UTRN: variants seen among roughly 807,000 people sequenced by gnomAD.
UTRN encodes the protein utrophin, also known as dystrophin-related protein 1.
In UTRN, 283 loss-of-function variants were observed where a neutral mutation model predicts 463.9. The observed-to-expected ratio is 0.61, with a 90% CI of 0.55 to 0.67. The LOEUF (loss-of-function observed/expected upper bound fraction) is 0.67, where lower values mean the gene tolerates loss of function less well. Ranked by LOEUF, UTRN falls within the 30% of genes least tolerant of loss-of-function variation. UTRN has a pLI of 0.00. For missense variants in UTRN, 3,922 were observed against 4,084.3 expected, an observed-to-expected ratio of 0.96 and a Z score of 1.08; for synonymous variants, 1,442 against 1,431.5, an observed-to-expected ratio of 1.01 and a Z score of -0.17.
intron 51 of UTRN, among the ~76,000 whole-genome samples, chr6:144,596,270 A>T (rs7773603): frequency 0.16 from 23,686 of 152,182 alleles, 2,159 homozygotes; most frequent in South Asian, 0.31. Flanking sequence ...GGTACGGGGC[A>T]GCTTCTGGCC....
chr6:144,647,435 G>GC (rs1398543405), intron 51 of UTRN, among the ~76,000 whole-genome samples: 1 of 152,170 alleles, frequency 6.6e-6, no homozygotes, highest in African/African-American at 2.4e-5. Flanking sequence ...GATCACAGGC[G>GC]CATCAAGGAG....
intron 1 of UTRN, among the ~76,000 whole-genome samples, chr6:144,287,228 A>G (rs937909110): frequency 2.0e-5 from 3 of 152,086 alleles, no homozygotes; most frequent in Non-Finnish European, 2.9e-5. Context: ...GCGTGGAACC[A>G]TTCCCCGCCC....
intron 53 of UTRN, among the ~76,000 whole-genome samples, chr6:144,729,879 T>G (rs1001512843): frequency 2.0e-5 from 3 of 152,258 alleles, no homozygotes; most frequent in African/African-American, 7.2e-5. Flanking sequence ...TTTGTTTCTA[T>G]CGCTTCATTT....
chr6:144,307,227 A>G (rs1805824906), intron 2 of UTRN, among the ~76,000 whole-genome samples: 1 of 152,206 alleles, frequency 6.6e-6, no homozygotes, highest in Non-Finnish European at 1.5e-5. Context: ...AGTAGATATT[A>G]TTAGTTGATG....
intron 2 of UTRN, among the ~76,000 whole-genome samples, chr6:144,298,943 T>A (rs1804993304): frequency 6.6e-6 from 1 of 152,212 alleles, no homozygotes; most frequent in African/African-American, 2.4e-5. Flanking sequence ...TTTCTTCAAC[T>A]CCATTCTCTA....
intron 54 of UTRN, among the ~76,000 whole-genome samples, chr6:144,743,800 G>A (rs913681816): frequency 2.6e-5 from 4 of 151,984 alleles, no homozygotes; most frequent in African/African-American, 9.7e-5. Flanking sequence ...GAAAACATCA[G>A]GATTGATCTT....
intron 58 of UTRN, among the ~76,000 whole-genome samples, chr6:144,768,041 G>T (rs1432731870): frequency 6.6e-6 from 1 of 152,116 alleles, no homozygotes; most frequent in Non-Finnish European, 1.5e-5. Context: ...AGGACAAATG[G>T]GTTTAAGAAG....
At chr6:144,451,341 C>A in intron 17 of UTRN, 29 bp from the exon 18 acceptor site, 1 of 1,594,454 alleles carries the variant, frequency 6.3e-7, no homozygotes. Context: ...GGAAACATGA[C>A]AAATGGTCAC....
In UTRN at chr6:144,840,872, C is replaced by T. The variant is rs200396038; in HGVS notation, c.10270+40C>T. ...TTGCAGCACCACAGCTGCACGTGTT[C>T]CTTCCCTTTCTCTTTTTCTGCATGC... On this transcript the variant is annotated intron_variant, in intron 73 of 74. Transcript: ENST00000367545. 28 of 1,606,800 alleles carry T rather than the reference C, an allele frequency of 1.7e-5. No homozygotes were observed. In the Admixed American group the frequency reaches 4.3e-4, roughly 25 times the overall value.
At chr6:144,439,451 G>C (rs1308573971) in intron 12 of UTRN, among the ~76,000 whole-genome samples, 1 of 152,076 alleles carries the variant, frequency 6.6e-6, no homozygotes, top group African/African-American at 2.4e-5. Context: ...ACTCTGAGAA[G>C]CATTTGAGAA....
intron 41 of UTRN, among the ~76,000 whole-genome samples, chr6:144,524,593 A>G (rs1454212851): frequency 6.6e-6 from 1 of 152,134 alleles, no homozygotes; most frequent in African/African-American, 2.4e-5. Context: ...TTTTTGGATG[A>G]GTCTTTAGGG....
At chr6:144,509,307 G>A (rs749636218) in intron 34 of UTRN, among the ~76,000 whole-genome samples, 20 of 150,970 alleles carry the variant, frequency 1.3e-4, no homozygotes, top group Non-Finnish European at 2.7e-4. Context: ...TATACTTTTC[G>A]GTTTTTTTAC....
At chr6:144,313,079 G>A (rs1775040894) in intron 2 of UTRN, among the ~76,000 whole-genome samples, 1 of 152,196 alleles carries the variant, frequency 6.6e-6, no homozygotes, top group South Asian at 2.1e-4. Flanking sequence ...CTTCTCTCTT[G>A]TTCTGCCTTT....
chr6:144,801,066 G>C (rs1234146949), intron 64 of UTRN, among the ~76,000 whole-genome samples: 1 of 152,170 alleles, frequency 6.6e-6, no homozygotes, highest in African/African-American at 2.4e-5. Context: ...ACTTGTTTAA[G>C]AAATCTAGCT....
In UTRN at chr6:144,468,995, C is replaced by T. The variant is rs145054638; in HGVS notation, c.3067-4725C>T. Among the ~76,000 whole-genome samples the T allele has an allele frequency of 3.2e-3, 486 of 152,248 alleles. 4 individuals are homozygous for T. The highest frequency in any genetic ancestry group is 4.8e-3 in the Non-Finnish European group (327 of 68,024). On this transcript the variant is annotated intron_variant, in intron 23 of 74. Transcript: ENST00000367545. ...TTGGGACTTGATAACCCTTCCCGCG[C>T]GGTGTGCCACGAGGTGGAAACGCCG...
chr6:144,836,706 T>A, intron 71 of UTRN, 165 bp downstream of exon 71: 2 of 1,073,650 alleles, frequency 1.9e-6, no homozygotes, highest in Non-Finnish European at 2.6e-6. Context: ...TGTAAGCATA[T>A]AAATCCTCAT....
intron 51 of UTRN, among the ~76,000 whole-genome samples, chr6:144,614,777 A>G (rs1257093991): frequency 1.3e-5 from 2 of 152,124 alleles, no homozygotes; most frequent in Admixed American, 6.6e-5. Flanking sequence ...TCTTTCTTGT[A>G]CTTTGGGCTA....
chr6:144,554,225 C>T (rs1169806826), intron 48 of UTRN, among the ~76,000 whole-genome samples: 2 of 152,162 alleles, frequency 1.3e-5, no homozygotes, highest in Non-Finnish European at 2.9e-5. Flanking sequence ...AAAATTCTTA[C>T]ACAGTTCAGT....
chr6:144,393,178 C>T (rs1348372871), intron 2 of UTRN, among the ~76,000 whole-genome samples: 1 of 152,194 alleles, frequency 6.6e-6, no homozygotes, highest in South Asian at 2.1e-4. Flanking sequence ...AATAAATCTG[C>T]TTTGGCTGAT....
Sources: allele counts gnomAD v4.1 joint callset (sites outside exome capture counted in the v4.1 genomes callset), GRCh38; gene constraint gnomAD v4.1.1; transcripts MANE v1.5; gene names NCBI Gene and HGNC (gene_info 2026-07-23, HGNC 2026-07-21).